Variants in LINGO2 observed in about 807,000 individuals in gnomAD.
LINGO2 encodes the protein leucine rich repeat and Ig domain containing 2.
In LINGO2, 14 loss-of-function variants were observed where a neutral mutation model predicts 30.6. That is an observed-to-expected ratio of 0.46 (90% CI 0.30 to 0.72). The LOEUF (loss-of-function observed/expected upper bound fraction) is 0.72. Ranked by LOEUF, LINGO2 falls within the 30% of genes least tolerant of loss-of-function variation. LINGO2 has a pLI of 0.07. For missense variants in LINGO2, 729 were observed against 751.7 expected (o/e 0.97, Z 0.35); for synonymous variants, 317 against 288.5 (o/e 1.10, Z -1.00).
the LINGO2 span, among the ~76,000 whole-genome samples, chr9:28,873,724 T>C: frequency 1.3e-5 from 2 of 152,132 alleles, no homozygotes; most frequent in Non-Finnish European, 2.9e-5. Context: ...GGAAGAATTA[T>C]CTTACTTCTC....
chr9:28,879,400 A>G, the LINGO2 span, among the ~76,000 whole-genome samples: 1 of 152,154 alleles, frequency 6.6e-6, no homozygotes, highest in East Asian at 1.9e-4. Flanking sequence ...CCACCACATC[A>G]TATTATCCTT....
In LINGO2 at chr9:27,988,420, A is replaced by G. The variant is rs10968253; in HGVS notation, c.-36+23935T>C. ...TCTAGTTCTAGATCCCTGAGGAATC[A>G]CCACACTGTCTTCCACAATGGTTGA... On this transcript the variant is annotated intron_variant, in intron 5 of 5. Coordinates refer to ENST00000379992, the Ensembl canonical transcript of LINGO2. Among the ~76,000 whole-genome samples the G allele has an allele frequency of 0.011, 1,648 of 152,104 alleles. 103 individuals are homozygous for G. In the East Asian group the frequency reaches 0.17, roughly 16 times the overall value.
chr9:28,437,223 TTTTC>T (rs1203759996), intron 2 of LINGO2, among the ~76,000 whole-genome samples: 2 of 152,288 alleles, frequency 1.3e-5, no homozygotes, highest in African/African-American at 4.8e-5. Context: ...AGGCAAACAC[TTTTC>T]TTTCTTTGTC....
In LINGO2 at chr9:28,237,664, C is replaced by T. The variant is rs149316052; in HGVS notation, c.-87+57544G>A. ...GATCAGGAGTTCAAGACCAGCCTGG[C>T]CAACGTGGCAAAACCCCAGCTCTAC... On this transcript the variant is annotated intron_variant, in intron 4 of 5. Coordinates refer to ENST00000379992, the Ensembl canonical transcript of LINGO2. 1.1e-3 allele frequency among the ~76,000 whole-genome samples: 167 copies of T among 152,192 alleles called. 1 individual carries two copies. The highest frequency in any genetic ancestry group is 3.9e-3 in the African/African-American group (160 of 41,522).
chr9:28,833,224 C>T, the LINGO2 span, among the ~76,000 whole-genome samples: 1 of 152,142 alleles, frequency 6.6e-6, no homozygotes, highest in Non-Finnish European at 1.5e-5. Context: ...AACCCCTTGA[C>T]TTTTGCCATA....
chr9:28,314,185 C>A (rs111567747), intron 3 of LINGO2, among the ~76,000 whole-genome samples: 1 of 152,186 alleles, frequency 6.6e-6, no homozygotes, highest in Non-Finnish European at 1.5e-5. Flanking sequence ...CTGTCCGCCT[C>A]GGCCTCCCAA....
At chr9:28,086,579 T>C (rs1825921754) in intron 4 of LINGO2, among the ~76,000 whole-genome samples, 2 of 152,046 alleles carry the variant, frequency 1.3e-5, no homozygotes, top group African/African-American at 4.8e-5. Flanking sequence ...AAATTAAAGC[T>C]AATTTGGGCG....
At chr9:28,854,186 A>G in the LINGO2 span, among the ~76,000 whole-genome samples, 2 of 151,930 alleles carry the variant, frequency 1.3e-5, no homozygotes, top group African/African-American at 2.4e-5. Flanking sequence ...CAGGTCCAAA[A>G]TGCCAATAAT....
At position 28,226,476 on chromosome 9, in the gene LINGO2, G is replaced by C. The variant is rs187764086; in HGVS notation, c.-87+68732C>G. On this transcript the variant is annotated intron_variant, in intron 4 of 5. Coordinates refer to ENST00000379992, the Ensembl canonical transcript of LINGO2. ...ATTTGCACGCTTTTTTCTCTTACCA[G>C]GTAGAGTCTTTCTTAAACAGAGGAT... Among the ~76,000 whole-genome samples, 537 of 151,680 alleles carry C rather than the reference G, an allele frequency of 3.5e-3. 11 individuals carry two copies. Among genetic ancestry groups the C allele is most frequent in the Admixed American group, 0.026 (400 of 15,206 alleles).
chr9:28,259,413 G>A (rs182321266), intron 4 of LINGO2, among the ~76,000 whole-genome samples: 79 of 152,018 alleles, frequency 5.2e-4, no homozygotes, highest in African/African-American at 1.8e-3. Flanking sequence ...TTACCTCCTG[G>A]AGAGATTTGG....
the LINGO2 span, among the ~76,000 whole-genome samples, chr9:28,894,427 T>C: frequency 2.0e-5 from 3 of 152,140 alleles, no homozygotes; most frequent in African/African-American, 7.2e-5. Context: ...CATTATATAG[T>C]CATTTTTAAA....
intron 2 of LINGO2, among the ~76,000 whole-genome samples, chr9:28,381,636 G>A (rs896424765): frequency 2.6e-5 from 4 of 152,054 alleles, no homozygotes; most frequent in Admixed American, 6.6e-5. Flanking sequence ...TTATAAAGTT[G>A]CTCCATTATT....
chr9:27,979,318 T>G (rs1437657782), intron 5 of LINGO2, among the ~76,000 whole-genome samples: 3 of 151,902 alleles, frequency 2.0e-5, no homozygotes, highest in Non-Finnish European at 4.4e-5. Context: ...ATCTCTATCT[T>G]TTATTTTGTT....
intron 1 of LINGO2, among the ~76,000 whole-genome samples, chr9:28,582,697 A>G (rs1036452094): frequency 6.6e-6 from 1 of 152,062 alleles, no homozygotes; most frequent in South Asian, 2.1e-4. Flanking sequence ...AAAACTTCAT[A>G]TATCAGTTCT....
chr9:29,028,548 AG>A, the LINGO2 span, among the ~76,000 whole-genome samples: 1 of 152,094 alleles, frequency 6.6e-6, no homozygotes. Flanking sequence ...TCCCATCAAA[AG>A]GTAGAATGTA....
chr9:28,441,345 T>G (rs191489345), intron 2 of LINGO2, among the ~76,000 whole-genome samples: 1 of 140,060 alleles, frequency 7.1e-6, no homozygotes, highest in East Asian at 2.1e-4. Flanking sequence ...AACTTTCAGT[T>G]AAATACAGAA....
At chr9:28,902,037 A>C in the LINGO2 span, among the ~76,000 whole-genome samples, 1 of 152,284 alleles carries the variant, frequency 6.6e-6, no homozygotes, top group Non-Finnish European at 1.5e-5. Flanking sequence ...AATTAATAAT[A>C]ACAATAATAA....
downstream of LINGO2, among the ~76,000 whole-genome samples, chr9:27,947,701 T>C (rs549519492): frequency 2.1e-3 from 316 of 152,310 alleles, 4 homozygotes; most frequent in Middle Eastern, 3.4e-3. Flanking sequence ...CAGGCAGCTA[T>C]CATGTTTTAA....
intron 2 of LINGO2, among the ~76,000 whole-genome samples, chr9:28,386,433 G>C (rs1188771827): frequency 1.3e-5 from 2 of 151,876 alleles, no homozygotes; most frequent in Admixed American, 1.3e-4. Context: ...TCAACCAGTA[G>C]AAAAAACATT....
Sources: allele counts gnomAD v4.1 joint callset (sites outside exome capture counted in the v4.1 genomes callset), GRCh38; gene constraint gnomAD v4.1.1; transcripts MANE v1.5; gene names NCBI Gene and HGNC (gene_info 2026-07-23, HGNC 2026-07-21).